Variants in TMEM26 observed in about 807,000 individuals in gnomAD.
TMEM26 encodes transmembrane protein 26.
TMEM26 carries 38 observed loss-of-function variants against 28.8 expected under a neutral mutation model. The observed-to-expected ratio is 1.32, with a 90% CI of 1.02 to 1.73. The LOEUF is 1.73. Among genes scored for constraint, TMEM26 ranks in the 40% most tolerant of loss-of-function variants. TMEM26 has a pLI of 0.00. For missense variants in TMEM26, 518 were observed against 447.1 expected, an observed-to-expected ratio of 1.16 and a Z score of -1.43; for synonymous variants, 227 against 182.9, an observed-to-expected ratio of 1.24 and a Z score of -1.95.
intron 1 of TMEM26, 174 bp downstream of exon 1, chr10:61,452,717 C>T (rs2135345327): frequency 1.4e-6 from 1 of 738,368 alleles, no homozygotes; most frequent in South Asian, 1.8e-5. Flanking sequence ...CCTAGGGTGG[C>T]CCTGGGGTGC....
At chr10:61,431,946 G>A (rs560669937) in intron 2 of TMEM26, among the ~76,000 whole-genome samples, 10 of 151,962 alleles carry the variant, frequency 6.6e-5, no homozygotes, top group African/African-American at 2.4e-4. Context: ...TGTGTATTCA[G>A]TTTTTAGCTC....
intron 2 of TMEM26, among the ~76,000 whole-genome samples, chr10:61,432,854 G>A (rs893958977): frequency 3.3e-5 from 5 of 152,008 alleles, no homozygotes; most frequent in Non-Finnish European, 7.4e-5. Context: ...ATATCTGTAG[G>A]AGCAAAAATA....
rs542854269 is a variant in TMEM26 at position 61,419,153 on chromosome 10, A to C, written c.606-5618T>G. ...TCCAATTAAGAAAACAGATGCAACA[A>C]AATGAGAAGCCTCAGGTGGTGGCAG... On this transcript the variant is annotated intron_variant, in intron 4 of 5. Coordinates refer to ENST00000399298, the MANE Select transcript of TMEM26 (RefSeq NM_178505.8). 1.6e-3 allele frequency among the ~76,000 whole-genome samples: 237 copies of C among 152,240 alleles called. 1 individual carries two copies. Among genetic ancestry groups the C allele is most frequent in the Non-Finnish European group, 2.9e-3 (194 of 67,996 alleles).
At chr10:61,419,502 T>G (rs1211439851) in intron 4 of TMEM26, among the ~76,000 whole-genome samples, 3 of 151,788 alleles carry the variant, frequency 2.0e-5, no homozygotes, top group Non-Finnish European at 2.9e-5. Context: ...AAATAGAAAC[T>G]CTAGAATTGA....
chr10:61,413,537 T>C lies in TMEM26; in HGVS notation c.606-2A>G. 6.3e-7 allele frequency: 1 copy of C among 1,594,168 alleles called. No homozygotes were observed. Among genetic ancestry groups the C allele is most frequent in the Non-Finnish European group, 8.5e-7 (1 of 1,172,874 alleles). Reference sequence around the variant, plus strand: ...GCATAGACTAGTGCAGGACTATTCCTAGAATACAGACAAAATGTTAAATTT... The same window carrying C: ...GCATAGACTAGTGCAGGACTATTCCCAGAATACAGACAAAATGTTAAATTT... On this transcript the variant is annotated splice_acceptor_variant, in intron 4 of 5. Coordinates refer to ENST00000399298, the MANE Select transcript of TMEM26 (RefSeq NM_178505.8). LOFTEE classifies it high-confidence loss of function.
intron 3 of TMEM26, 80 bp downstream of exon 3, chr10:61,431,139 G>A (rs572055779): frequency 1.8e-6 from 2 of 1,084,226 alleles, no homozygotes; most frequent in East Asian, 4.8e-5. Context: ...TAGCTGGGAA[G>A]CATGTATAGC....
At chr10:61,440,090 A>G (rs763818450) in intron 1 of TMEM26, among the ~76,000 whole-genome samples, 13 of 152,068 alleles carry the variant, frequency 8.5e-5, no homozygotes, top group African/African-American at 1.2e-4. Context: ...AAATACAAAA[A>G]TTAGTCGGGC....
intron 2 of TMEM26, among the ~76,000 whole-genome samples, chr10:61,434,268 T>A (rs1839967772): frequency 6.6e-6 from 1 of 152,184 alleles, no homozygotes; most frequent in Non-Finnish European, 1.5e-5. Flanking sequence ...AAAGGTTCAG[T>A]TTCTTTTGTA....
chr10:61,431,149 C>T, intron 3 of TMEM26, 70 bp downstream of exon 3: 1 of 1,199,830 alleles, frequency 8.3e-7, no homozygotes, highest in South Asian at 1.2e-5. Context: ...GCATGTATAG[C>T]AGGTAATTGA....
Position 61,410,479 on chromosome 10 carries a change from C to A in TMEM26, c.950G>T (p.Ser317Ile), listed in dbSNP as rs775609890. Reference protein sequence around the residue: ...LALAVRASLRSQSEGLKGEHG... With the variant: ...LALAVRASLRIQSEGLKGEHG... ...TTCTCCTTTCAGGCCTTCTGACTGA[C>A]TTCTCAACGAAGCACGGACTGCCAA... The change falls in exon 6 of 6, where the codon AGT (serine) becomes ATT (isoleucine). Residue 317 changes from serine (S) to isoleucine (I), a missense_variant. Transcript: ENST00000399298. 2 of 1,614,008 alleles carry A rather than the reference C, an allele frequency of 1.2e-6. No homozygotes were observed. Among genetic ancestry groups the A allele is most frequent in the East Asian group, 4.5e-5 (2 of 44,862 alleles).
intron 1 of TMEM26, among the ~76,000 whole-genome samples, chr10:61,440,618 T>C (rs1840077252): frequency 6.6e-6 from 1 of 152,170 alleles, no homozygotes; most frequent in East Asian, 1.9e-4. Context: ...AACCTGATTA[T>C]TTCATATCAG....
At chr10:61,440,145 C>A (rs1339499085) in intron 1 of TMEM26, among the ~76,000 whole-genome samples, 2 of 151,974 alleles carry the variant, frequency 1.3e-5, no homozygotes, top group Non-Finnish European at 2.9e-5. Flanking sequence ...TAGGCTGAGG[C>A]AGGAGAATTG....
Position 61,413,454 on chromosome 10 carries a change from C to G in TMEM26, c.682+5G>C, listed in dbSNP as rs199703656. 1.2e-6 allele frequency: 2 copies of G among 1,611,476 alleles called. No individual in the cohort carries two copies. Among genetic ancestry groups the G allele is most frequent in the Non-Finnish European group, 1.7e-6 (2 of 1,178,928 alleles). On this transcript the variant is annotated splice_donor_5th_base_variant and intron_variant, in intron 5 of 5. Coordinates refer to ENST00000399298, the MANE Select transcript of TMEM26 (RefSeq NM_178505.8). ...ATTTCTTTGCACAAACATCAGGATA[C>G]TTACCTGCCAGGTCAAGTGGAAACT...
intron 1 of TMEM26, 50 bp from the exon 2 acceptor site, chr10:61,436,298 C>CA (rs1361307193): frequency 1.5e-5 from 19 of 1,239,838 alleles, no homozygotes; most frequent in South Asian, 9.0e-5. Flanking sequence ...AGCTAATTTT[C>CA]CAAAAAAAAA....
intron 4 of TMEM26, 44 bp from the exon 5 acceptor site, chr10:61,413,579 T>C: frequency 6.4e-7 from 1 of 1,557,102 alleles, no homozygotes. Context: ...AAAAGTATGA[T>C]CACATGCAGA....
chr10:61,419,748 A>T (rs1440607034), intron 4 of TMEM26, among the ~76,000 whole-genome samples: 1 of 152,136 alleles, frequency 6.6e-6, no homozygotes, highest in African/African-American at 2.4e-5. Context: ...AGAAAGATAG[A>T]AAAGAGAGGA....
chr10:61,447,848 AC>A (rs778299063), intron 1 of TMEM26, among the ~76,000 whole-genome samples: 38 of 151,458 alleles, frequency 2.5e-4, no homozygotes, highest in Non-Finnish European at 4.6e-4. Context: ...TCCCCTGCAC[AC>A]CCCCCTCACT....
Position 61,444,672 on chromosome 10 carries a change from C to T in TMEM26, c.191+8219G>A, listed in dbSNP as rs565656611. Reference sequence around the variant, plus strand: ...ATAATTTAAAAAAAAAAAAAAAAAACACCAACAGAACTTTGACCCTTTCTC... The same window carrying T: ...ATAATTTAAAAAAAAAAAAAAAAAATACCAACAGAACTTTGACCCTTTCTC... On this transcript the variant is annotated intron_variant, in intron 1 of 5. Transcript: ENST00000399298. Among the ~76,000 whole-genome samples the T allele has an allele frequency of 1.4e-3, 177 of 130,686 alleles. 1 individual carries two copies. Among genetic ancestry groups the T allele is most frequent in the Non-Finnish European group, 2.3e-3 (138 of 60,688 alleles). The allele number at this position is 130,686 out of a possible 152,430, so 85.7% of individuals were successfully genotyped here.
chr10:61,453,243 C>T lies in TMEM26; in HGVS notation c.-162G>A. ...GCGCCCGATGCCGGTAGAACTGGTG[C>T]GCGGCTCGCCCCTCCCCCAAACTTC... On this transcript the variant is annotated 5_prime_UTR_variant, in exon 1 of 6. Coordinates refer to ENST00000399298, the MANE Select transcript of TMEM26 (RefSeq NM_178505.8). The T allele has an allele frequency of 4.2e-6, 3 of 708,544 alleles. No homozygotes were observed. The highest frequency in any genetic ancestry group is 1.8e-5 in the African/African-American group (1 of 55,924). The allele number at this position is 708,544 out of a possible 1,614,324, so 43.9% of individuals were successfully genotyped here.
Sources: gnomAD v4.1 joint callset for allele counts (sites outside exome capture counted in the v4.1 genomes callset) on GRCh38, gnomAD v4.1.1 for gene constraint, MANE v1.5 for transcripts, NCBI Gene and HGNC (gene_info 2026-07-23, HGNC 2026-07-21) for gene names.